PSMB2: variants seen among roughly 807,000 people sequenced by gnomAD.
The protein encoded by PSMB2 is proteasome 20S subunit beta 2.
PSMB2 carries 13 observed loss-of-function variants against 25.7 expected under a neutral mutation model. The ratio of observed to expected loss-of-function variants is 0.51; its 90% CI spans 0.33 to 0.80. The LOEUF (loss-of-function observed/expected upper bound fraction) is 0.80. PSMB2 is among the 30% of genes least tolerant of loss of function. The pLI is 0.02. For missense variants in PSMB2, 202 were observed against 259.0 expected (o/e 0.78, Z 1.51); for synonymous variants, 87 against 96.2 (o/e 0.90, Z 0.56).
At chr1:35,604,333 T>C (rs895078991) in intron 5 of PSMB2, among the ~76,000 whole-genome samples, 4 of 152,168 alleles carry the variant, frequency 2.6e-5, no homozygotes, top group African/African-American at 9.7e-5. Flanking sequence ...CAAAGTCTAC[T>C]CTCCCCTTCT....
chr1:35,615,206 T>C (rs1376122539), intron 3 of PSMB2, among the ~76,000 whole-genome samples: 1 of 152,174 alleles, frequency 6.6e-6, no homozygotes, highest in African/African-American at 2.4e-5. Context: ...CTTTTGTTGG[T>C]TACTAAAAGA....
rs1163847472 is a variant in PSMB2 at position 35,600,672 on chromosome 1, G to C, written c.*2595C>G. The C allele has an allele frequency of 6.1e-6, 6 of 985,252 alleles. No homozygotes were observed. In the South Asian group the frequency reaches 2.3e-4, roughly 39 times the overall value. 61.0% of individuals were successfully genotyped at this position (985,252 alleles called of 1,614,324 possible). ...TTCGATGTCCCTAAATCTGGAGGGT[G>C]AGCTATCTAGGAATGAGTTGATTTG... On this transcript the variant is annotated 3_prime_UTR_variant, in exon 6 of 6. Transcript: ENST00000373237.
rs1650043276 is a variant in PSMB2, at chr1:35,602,808, T to C, written c.*459A>G. The C allele has an allele frequency of 1.3e-6, 1 of 769,028 alleles. No homozygotes were observed. Among genetic ancestry groups the C allele is most frequent in the African/African-American group, 1.9e-5 (1 of 52,680 alleles). The allele number at this position is 769,028 out of a possible 1,614,324, so 47.6% of individuals were successfully genotyped here. The stretch of plus-strand genomic sequence containing the variant: ...ACCACACCCAGCTCTGGAAGAAATA[T>C]TTTTCACTACATGTTTTTGTACTGT... On this transcript the variant is annotated 3_prime_UTR_variant, in exon 6 of 6. Transcript: ENST00000373237.
At chr1:35,629,480 C>T (rs192338095) in intron 3 of PSMB2, among the ~76,000 whole-genome samples, 75 of 152,304 alleles carry the variant, frequency 4.9e-4, no homozygotes, top group Admixed American at 2.2e-3. Context: ...AGGAACAATG[C>T]TGTATGCTTT....
Position 35,603,258 on chromosome 1 carries a change from G to T in PSMB2, c.*9C>A, listed in dbSNP as rs757002246. On this transcript the variant is annotated 3_prime_UTR_variant, in exon 6 of 6. Transcript: ENST00000373237. ...AAGTTCCCTGGCAAGTGGGAGGGAGGACATGATGTTAGGAGCCCTGTTTGG... is the reference window on the plus strand; with the variant it reads ...AAGTTCCCTGGCAAGTGGGAGGGAGTACATGATGTTAGGAGCCCTGTTTGG... 6.2e-7 allele frequency: 1 copy of T among 1,613,368 alleles called. No homozygotes were observed. Among genetic ancestry groups the T allele is most frequent in the Non-Finnish European group, 8.5e-7 (1 of 1,179,848 alleles).
chr1:35,634,222 A>C (rs1270123728), intron 2 of PSMB2, among the ~76,000 whole-genome samples: 2 of 152,228 alleles, frequency 1.3e-5, no homozygotes, highest in African/African-American at 4.8e-5. Context: ...ACAATGCTTT[A>C]GGTTTACAAA....
At chr1:35,628,257 T>C (rs1188878366) in intron 3 of PSMB2, among the ~76,000 whole-genome samples, 2 of 152,048 alleles carry the variant, frequency 1.3e-5, no homozygotes, top group Non-Finnish European at 2.9e-5. Context: ...TGTTAAGACA[T>C]CAAACATTTC....
intron 3 of PSMB2, among the ~76,000 whole-genome samples, chr1:35,614,728 A>G (rs952598587): frequency 6.6e-6 from 1 of 152,240 alleles, no homozygotes; most frequent in Admixed American, 6.5e-5. Flanking sequence ...TGCAAACACC[A>G]ACATGTTTAA....
chr1:35,605,971 T>C (rs1650155847), intron 4 of PSMB2, among the ~76,000 whole-genome samples: 1 of 152,148 alleles, frequency 6.6e-6, no homozygotes, highest in Non-Finnish European at 1.5e-5. Flanking sequence ...GTGGCTAAGG[T>C]TGAGCGAGAG....
At chr1:35,610,102 T>C (rs2148564103) in intron 3 of PSMB2, among the ~76,000 whole-genome samples, 1 of 152,282 alleles carries the variant, frequency 6.6e-6, no homozygotes, top group African/African-American at 2.4e-5. Flanking sequence ...AGTCTGGGCA[T>C]CTGGACCAAT....
chr1:35,605,404 C>CA, intron 4 of PSMB2, 122 bp from the exon 5 acceptor site: 3 of 982,594 alleles, frequency 3.1e-6, no homozygotes, highest in Non-Finnish European at 4.7e-6. Flanking sequence ...ACGTAAAAGG[C>CA]AAAAAATGCT....
At chr1:35,640,111 A>AAATTACTC (rs1651355018) in intron 1 of PSMB2, among the ~76,000 whole-genome samples, 1 of 147,636 alleles carries the variant, frequency 6.8e-6, no homozygotes. Context: ...TATCTATACT[A>AAATTACTC]AATTACTCAA....
chr1:35,641,315 G>A, intron 1 of PSMB2, 27 bp downstream of exon 1: 1 of 1,613,860 alleles, frequency 6.2e-7, no homozygotes, highest in Non-Finnish European at 8.5e-7. Flanking sequence ...CCCCAGGCCT[G>A]GCCGGGCCTC....
chr1:35,636,359 C>T lies in PSMB2; in HGVS notation c.165G>A (p.Gln55=). 1.9e-6 allele frequency: 3 copies of T among 1,614,154 alleles called. No homozygotes were observed. The highest frequency in any genetic ancestry group is 1.1e-5 in the South Asian group (1 of 91,082). Residue 55 remains glutamine (Q), a synonymous_variant, in exon 2 of 6, where the codon CAG becomes CAA. Transcript: ENST00000373237. ...LCVGEAGDTV[Q]FAEYIQKNVQ... Reference sequence around the variant, plus strand: ...CGTTTTTCTGAATATATTCTGCAAACTGTACAGTGTCTCCAGCCTCTCCAA... The same window carrying T: ...CGTTTTTCTGAATATATTCTGCAAATTGTACAGTGTCTCCAGCCTCTCCAA...
chr1:35,635,261 A>G (rs1176713996), intron 2 of PSMB2, among the ~76,000 whole-genome samples: 1 of 138,990 alleles, frequency 7.2e-6, no homozygotes, highest in Non-Finnish European at 1.5e-5. Context: ...CTCCATCTCA[A>G]AAAAAAAAAA....
intron 1 of PSMB2, 31 bp downstream of exon 1, chr1:35,641,311 G>T (rs1340041280): frequency 6.2e-7 from 1 of 1,613,474 alleles, no homozygotes; most frequent in Admixed American, 1.7e-5. Flanking sequence ...TACACCCCAG[G>T]CCTGGCCGGG....
Position 35,600,246 on chromosome 1 carries a change from A to G in PSMB2, c.*3021T>C. On this transcript the variant is annotated 3_prime_UTR_variant, in exon 6 of 6. Transcript: ENST00000373237. ...AGACAGGAGATAAAGAATGGCATAA[A>G]AATGATGCCCAGCTAAATGCAATGT... 3 of 985,368 alleles carry G rather than the reference A, an allele frequency of 3.0e-6. No homozygotes were observed. Among genetic ancestry groups the G allele is most frequent in the Non-Finnish European group, 3.6e-6 (3 of 829,834 alleles). The allele number at this position is 985,368 out of a possible 1,614,324, so 61.0% of individuals were successfully genotyped here. A position where few individuals can be genotyped will look rare whatever the true frequency, so the allele number is the denominator to read the frequency against.
At chr1:35,628,587 AAAAAAAAAAATATATATATATATATATAT>A (rs1355349478) in intron 3 of PSMB2, among the ~76,000 whole-genome samples, 1 of 21,444 alleles carries the variant, frequency 4.7e-5, no homozygotes, top group African/African-American at 1.9e-4. Context: ...AGAAAAAAAA[AAAAAAAAAAATATATATATATATATATAT>A]ATATATATAT....
At chr1:35,623,096 T>C (rs901474014) in intron 3 of PSMB2, among the ~76,000 whole-genome samples, 4 of 152,224 alleles carry the variant, frequency 2.6e-5, no homozygotes, top group Non-Finnish European at 5.9e-5. Flanking sequence ...CATCTGTCTC[T>C]GGGTCTTTGG....
Sources: allele counts gnomAD v4.1 joint callset (sites outside exome capture counted in the v4.1 genomes callset), GRCh38; gene constraint gnomAD v4.1.1; transcripts MANE v1.5; gene names NCBI Gene and HGNC (gene_info 2026-07-23, HGNC 2026-07-21).